ATP9B: variants seen among roughly 807,000 people sequenced by gnomAD.
ATP9B encodes ATPase phospholipid transporting 9B.
Under a neutral mutation model 146.1 loss-of-function variants are expected in ATP9B, and 110 were observed. The ratio of observed to expected loss-of-function variants is 0.75; its 90% CI spans 0.65 to 0.88. ATP9B has a LOEUF of 0.88. Ranked by LOEUF, ATP9B falls within the 40% of genes least tolerant of loss-of-function variation. ATP9B has a pLI of 0.00. For missense variants in ATP9B, 1,499 were observed against 1,496.4 expected, an observed-to-expected ratio of 1.00 and a Z score of -0.03; for synonymous variants, 604 against 569.7, an observed-to-expected ratio of 1.06 and a Z score of -0.86.
intron 1 of ATP9B, among the ~76,000 whole-genome samples, chr18:79,088,202 G>A (rs2074004813): frequency 1.3e-5 from 2 of 152,176 alleles, no homozygotes; most frequent in Admixed American, 1.3e-4. Flanking sequence ...AGAACTCGTT[G>A]TGCTGCGTTT....
chr18:79,245,303 A>G (rs1287281965), intron 11 of ATP9B, among the ~76,000 whole-genome samples: 1 of 152,188 alleles, frequency 6.6e-6, no homozygotes, highest in Non-Finnish European at 1.5e-5. Context: ...ACTTCTATGA[A>G]TGATGTTGCA....
intron 15 of ATP9B, among the ~76,000 whole-genome samples, chr18:79,327,519 G>GCGTGCTCTCCGTGGTTAA (rs1568696746): frequency 2.2e-5 from 3 of 134,406 alleles, no homozygotes; most frequent in African/African-American, 8.6e-5. Context: ...TCCATGGTTA[G>GCGTGCTCTCCGTGGTTAA]CGTGCTCTCC....
chr18:79,307,823 C>G (rs1416170879), intron 15 of ATP9B, among the ~76,000 whole-genome samples: 2 of 152,074 alleles, frequency 1.3e-5, no homozygotes, highest in Non-Finnish European at 2.9e-5. Context: ...TAATTAATGT[C>G]TTAGTATATT....
At chr18:79,253,616 T>C in intron 12 of ATP9B, 75 bp downstream of exon 12, 1 of 1,430,972 alleles carries the variant, frequency 7.0e-7, no homozygotes, top group Admixed American at 2.5e-5. Context: ...TCTTTCTCAG[T>C]ATGAAAGAAA....
At chr18:79,178,310 G>C (rs1249504057) in intron 8 of ATP9B, among the ~76,000 whole-genome samples, 9 of 152,152 alleles carry the variant, frequency 5.9e-5, no homozygotes, top group Admixed American at 3.9e-4. Context: ...GTTGTCACCA[G>C]TTTTTATTGT....
intron 15 of ATP9B, among the ~76,000 whole-genome samples, chr18:79,310,482 A>G: frequency 6.6e-6 from 1 of 152,242 alleles, no homozygotes; most frequent in East Asian, 1.9e-4. Context: ...GTGGCAAGCA[A>G]CTTTTACTTT....
At chr18:79,329,383 A>G (rs1234411523) in intron 16 of ATP9B, 81 bp downstream of exon 16, 4 of 1,410,648 alleles carry the variant, frequency 2.8e-6, no homozygotes, top group South Asian at 1.6e-5. Context: ...TTCCCAAAAG[A>G]AAGTTAAACA....
rs73973079 is a variant in ATP9B, at chr18:79,335,432, G to A, written c.2029-1196G>A. 5.1e-3 allele frequency among the ~76,000 whole-genome samples: 774 copies of A among 152,320 alleles called. 11 individuals carry two copies. The highest frequency in any genetic ancestry group is 0.017 in the African/African-American group (702 of 41,588). On this transcript the variant is annotated intron_variant, in intron 17 of 29. Transcript: ENST00000426216. ...TCTTCACCCATCACCAGCTAAAACT[G>A]TTGCACTTTTACCTCTAATGGGAAA...
intron 11 of ATP9B, among the ~76,000 whole-genome samples, chr18:79,246,318 A>AGGAGGGCACCGCCCTACTGACTGTGC (rs1161426205): frequency 5.5e-4 from 54 of 99,078 alleles, no homozygotes; most frequent in African/African-American, 1.7e-3. Context: ...CTACTGACTG[A>AGGAGGGCACCGCCCTACTGACTGTGC]GGAGGGCACC....
At chr18:79,137,031 T>C (rs1268254260) in intron 5 of ATP9B, among the ~76,000 whole-genome samples, 1 of 151,978 alleles carries the variant, frequency 6.6e-6, no homozygotes, top group Non-Finnish European at 1.5e-5. Flanking sequence ...ATGTGGGGAG[T>C]ATAGGAACTA....
chr18:79,233,442 T>C (rs2095810909), intron 11 of ATP9B, among the ~76,000 whole-genome samples: 1 of 152,112 alleles, frequency 6.6e-6, no homozygotes, highest in Non-Finnish European at 1.5e-5. Flanking sequence ...TTAAATGCCA[T>C]AAAATGTACA....
chr18:79,238,480 C>G (rs966956127), intron 11 of ATP9B, among the ~76,000 whole-genome samples: 1 of 152,190 alleles, frequency 6.6e-6, no homozygotes, highest in African/African-American at 2.4e-5. Context: ...TGTAGCTGGA[C>G]TCTGAGGACC....
At chr18:79,075,417 A>G (rs2072484497) in intron 1 of ATP9B, among the ~76,000 whole-genome samples, 1 of 152,174 alleles carries the variant, frequency 6.6e-6, no homozygotes, top group African/African-American at 2.4e-5. Context: ...TGGGATTACA[A>G]GCATGAGCCA....
At chr18:79,347,624 C>T in intron 23 of ATP9B, 146 bp from the exon 24 acceptor site, 1 of 947,656 alleles carries the variant, frequency 1.1e-6, no homozygotes, top group Non-Finnish European at 1.5e-6. Flanking sequence ...TAGGACCTGT[C>T]CCCATCGACG....
At chr18:79,177,691 A>G (rs867209166) in intron 8 of ATP9B, among the ~76,000 whole-genome samples, 3 of 96,240 alleles carry the variant, frequency 3.1e-5, no homozygotes, top group South Asian at 6.1e-4. Flanking sequence ...ATCTGTTTTT[A>G]ATTTTCACTT....
chr18:79,150,976 A>T (rs766368121), intron 6 of ATP9B, among the ~76,000 whole-genome samples: 1 of 152,196 alleles, frequency 6.6e-6, no homozygotes, highest in East Asian at 1.9e-4. Context: ...AAGACAGTTC[A>T]TGCCCATGGT....
intron 25 of ATP9B, among the ~76,000 whole-genome samples, chr18:79,356,579 C>T (rs535393214): frequency 1.3e-5 from 2 of 152,366 alleles, no homozygotes; most frequent in African/African-American, 4.8e-5. Flanking sequence ...ACAGCAGCAA[C>T]CTAGATGAAT....
chr18:79,119,271 T>C (rs1402144945), intron 4 of ATP9B, among the ~76,000 whole-genome samples: 1 of 152,212 alleles, frequency 6.6e-6, no homozygotes, highest in Non-Finnish European at 1.5e-5. Context: ...TGAAGAACTT[T>C]ATTTGATTTG....
chr18:79,373,736 G>A (rs112928528), intron 27 of ATP9B, among the ~76,000 whole-genome samples, 162 bp from the exon 28 acceptor site: 4 of 152,112 alleles, frequency 2.6e-5, no homozygotes, highest in African/African-American at 4.8e-5. Context: ...TGATCCACCC[G>A]CCTCAGCCTC....
Sources: allele counts gnomAD v4.1 joint callset (sites outside exome capture counted in the v4.1 genomes callset), GRCh38; gene constraint gnomAD v4.1.1; transcripts MANE v1.5; gene names NCBI Gene and HGNC (gene_info 2026-07-23, HGNC 2026-07-21).